Variants in NECAB2 observed in about 807,000 individuals in gnomAD.
NECAB2 encodes N-terminal EF-hand calcium-binding protein 2.
Under a neutral mutation model 51.9 loss-of-function variants are expected in NECAB2, and 68 were observed. The observed-to-expected ratio is 1.31, with a 90% confidence interval of 1.08 to 1.60. NECAB2 has a LOEUF of 1.60. Ranked by LOEUF, NECAB2 falls within the 40% of genes most tolerant of loss-of-function variation. The pLI is 0.00. For synonymous variants in NECAB2, 329 were observed against 203.5 expected (o/e 1.62, Z -5.25); for missense variants, 854 against 490.3 (o/e 1.74, Z -7.00).
At chr16:83,968,948 C>A in intron 1 of NECAB2, 99 bp downstream of exon 1, 1 of 767,792 alleles carries the variant, frequency 1.3e-6, no homozygotes, top group Non-Finnish European at 1.6e-6. Context: ...CCCGCGAGGC[C>A]CTCCCTACCC....
intron 10 of NECAB2, among the ~76,000 whole-genome samples, chr16:83,998,974 C>T (rs1030901617): frequency 1.3e-5 from 2 of 152,094 alleles, no homozygotes; most frequent in Non-Finnish European, 2.9e-5. Flanking sequence ...GTAGTGGTCC[C>T]CCGCCCCCCG....
rs8045237 is a variant in NECAB2, at chr16:84,002,752, G to A, written c.*406G>A. On this transcript the variant is annotated 3_prime_UTR_variant, in exon 13 of 13. Coordinates refer to ENST00000305202, the MANE Select transcript of NECAB2 (RefSeq NM_019065.3). The stretch of plus-strand genomic sequence containing the variant: ...CAGGTAGCCACCACTGTGCCCAGGC[G>A]CCAAATAAACCCTGGTTGGGAAGAG... 0.13 allele frequency: 28,214 copies of A among 215,586 alleles called. 5,028 individuals carry two copies. Among genetic ancestry groups the A allele is most frequent in the African/African-American group, 0.46 (20,220 of 43,872 alleles). The allele number at this position is 215,586 out of a possible 1,614,324, so 13.4% of individuals were successfully genotyped here. A position where few individuals can be genotyped will look rare whatever the true frequency, so the allele number is the denominator to read the frequency against.
At chr16:83,998,418 T>A (rs7201492) in intron 10 of NECAB2, 101 bp downstream of exon 10, 1 of 1,113,042 alleles carries the variant, frequency 9.0e-7, no homozygotes. Flanking sequence ...TAGTACAAGT[T>A]GCACCCCAGG....
intron 6 of NECAB2, among the ~76,000 whole-genome samples, chr16:83,992,376 G>GCCCCCC (rs1555548083): frequency 1.8e-5 from 2 of 109,746 alleles, no homozygotes; most frequent in African/African-American, 1.4e-4. Context: ...ACGAGCACCC[G>GCCCCCC]TCCCCCCGCC....
intron 10 of NECAB2, among the ~76,000 whole-genome samples, chr16:83,999,540 C>G (rs1030394341): frequency 6.6e-6 from 1 of 152,104 alleles, no homozygotes; most frequent in African/African-American, 2.4e-5. Flanking sequence ...GGAATCCAGC[C>G]CGGCCCCTTC....
chr16:83,980,780 T>C, intron 3 of NECAB2, 59 bp from the exon 4 acceptor site: 1 of 1,541,964 alleles, frequency 6.5e-7, no homozygotes. Flanking sequence ...CTGTGCAGGG[T>C]CAGGCCTGCT....
upstream of NECAB2, chr16:83,965,498 A>C: frequency 6.2e-7 from 1 of 1,611,486 alleles, no homozygotes. Context: ...CCACTACAAC[A>C]TCCCGGTGAT....
chr16:83,997,069 C>A (rs140538592), intron 8 of NECAB2, 147 bp from the exon 9 acceptor site: 9 of 793,034 alleles, frequency 1.1e-5, no homozygotes, highest in Non-Finnish European at 1.8e-5. Context: ...GGAGTCTCTG[C>A]CACTTCCTAG....
intron 10 of NECAB2, 58 bp from the exon 11 acceptor site, chr16:84,000,666 C>A: frequency 1.3e-6 from 2 of 1,503,250 alleles, no homozygotes; most frequent in Non-Finnish European, 1.8e-6. Context: ...AGGGGAACAG[C>A]ACTGAGGTGG....
At chr16:83,965,699 G>A (rs559315422), upstream of NECAB2, 21 of 1,613,674 alleles carry the variant, frequency 1.3e-5, no homozygotes, top group African/African-American at 8.0e-5. Context: ...CTGCCAGGCC[G>A]TGTTCCAGGA....
In NECAB2 at chr16:83,978,495, T is replaced by C. The variant is rs1230842375; in HGVS notation, c.278T>C (p.Val93Ala). The C allele has an allele frequency of 1.2e-6, 2 of 1,613,896 alleles. No individual in the cohort carries two copies. The highest frequency in any genetic ancestry group is 1.3e-5 in the African/African-American group (1 of 74,848). ...EEFQLFFADG[V>A]LNEKELEDLF... ...TTCCAGCTCTTCTTTGCAGATGGCGTCCTTAATGAGAAAGAACTGGAGGAT... is the reference window on the plus strand; with the variant it reads ...TTCCAGCTCTTCTTTGCAGATGGCGCCCTTAATGAGAAAGAACTGGAGGAT... Residue 93 changes from valine (V) to alanine (A), a missense_variant, in exon 3 of 13, where the codon GTC becomes GCC. Val to Ala is a moderately conservative substitution (Grantham distance 64). Coordinates refer to ENST00000305202, the MANE Select transcript of NECAB2 (RefSeq NM_019065.3).
In NECAB2 at chr16:84,002,708, C is replaced by T. The variant is rs2084863823; in HGVS notation, c.*362C>T. The T allele has an allele frequency of 3.3e-6, 1 of 299,496 alleles. No homozygotes were observed. Among genetic ancestry groups the T allele is most frequent in the Non-Finnish European group, 6.4e-6 (1 of 156,956 alleles). The allele number at this position is 299,496 out of a possible 1,614,324, so 18.6% of individuals were successfully genotyped here. On this transcript the variant is annotated 3_prime_UTR_variant, in exon 13 of 13. Transcript: ENST00000305202. Reference sequence around the variant, plus strand: ...CTTCTACCTAGTAGGAGTCATGCCCCTGTAGTGCCCAACCTAGCCAGGTAG... The same window carrying T: ...CTTCTACCTAGTAGGAGTCATGCCCTTGTAGTGCCCAACCTAGCCAGGTAG...
rs202082204 is a variant in NECAB2, at chr16:83,972,138, C to T, written c.202-13C>T. On this transcript the variant is annotated splice_polypyrimidine_tract_variant and intron_variant, in intron 1 of 12. Transcript: ENST00000305202. ...CCCTGGCCCAGGGCTGACTCCGCCTCTCTTTTCTGCAGATTTTCCGCCGTG... is the reference window on the plus strand; with the variant it reads ...CCCTGGCCCAGGGCTGACTCCGCCTTTCTTTTCTGCAGATTTTCCGCCGTG... 3 of 1,613,174 alleles carry T rather than the reference C, an allele frequency of 1.9e-6. No homozygotes were observed. The highest frequency in any genetic ancestry group is 3.3e-5 in the Admixed American group (2 of 60,008).
chr16:84,000,067 TTTTTTA>T (rs2084795374), intron 10 of NECAB2, among the ~76,000 whole-genome samples: 1 of 151,988 alleles, frequency 6.6e-6, no homozygotes, highest in African/African-American at 2.4e-5. Context: ...TATTTTTTTT[TTTTTTA>T]AAGAGACAGT....
upstream of NECAB2, chr16:83,965,276 T>C: frequency 3.7e-6 from 6 of 1,606,338 alleles, no homozygotes; most frequent in Non-Finnish European, 5.1e-6. Context: ...CCAGCAGCCC[T>C]TCTCGCTGTG....
chr16:83,977,622 C>T (rs538161774), intron 2 of NECAB2, among the ~76,000 whole-genome samples: 15 of 152,138 alleles, frequency 9.9e-5, no homozygotes, highest in Non-Finnish European at 1.8e-4. Context: ...TGGAGCTCCA[C>T]CTCAGAAGCA....
intron 6 of NECAB2, among the ~76,000 whole-genome samples, chr16:83,990,954 A>C (rs555583119): frequency 6.6e-6 from 1 of 152,236 alleles, no homozygotes; most frequent in South Asian, 2.1e-4. Flanking sequence ...ATGCAGAACT[A>C]TTCTGTTGTT....
At chr16:83,967,359 A>G (rs979023380), upstream of NECAB2, among the ~76,000 whole-genome samples, 19 of 128,170 alleles carry the variant, frequency 1.5e-4, no homozygotes, top group African/African-American at 5.2e-4. Flanking sequence ...TTTTAAATGG[A>G]TGGGTGGATG....
intron 10 of NECAB2, among the ~76,000 whole-genome samples, chr16:83,999,806 G>A (rs895631534): frequency 1.3e-5 from 2 of 152,120 alleles, no homozygotes; most frequent in Non-Finnish European, 2.9e-5. Flanking sequence ...GTGCAGTGGG[G>A]GTGTTGCAAG....
Sources: allele counts gnomAD v4.1 joint callset (sites outside exome capture counted in the v4.1 genomes callset), GRCh38; gene constraint gnomAD v4.1.1; transcripts MANE v1.5; gene names NCBI Gene and HGNC (gene_info 2026-07-23, HGNC 2026-07-21).